The following SEMA3A variants were observed in gnomAD, a reference collection of about 807,000 sequenced individuals.
SEMA3A encodes the protein semaphorin 3A, also known as semaphorin-3A.
SEMA3A carries 29 observed loss-of-function variants against 97.9 expected under a neutral mutation model. The ratio of observed to expected loss-of-function variants is 0.30; its 90% CI spans 0.22 to 0.40. The LOEUF (loss-of-function observed/expected upper bound fraction) is 0.40. SEMA3A is among the 10% of genes least tolerant of loss of function. SEMA3A has a pLI of 1.00. For missense variants in SEMA3A, 763 were observed against 951.3 expected, an observed-to-expected ratio of 0.80 and a Z score of 2.60; for synonymous variants, 321 against 323.7, an observed-to-expected ratio of 0.99 and a Z score of 0.09.
In SEMA3A at chr7:83,957,612, C is replaced by T. The variant is rs1788321403; in HGVS notation, c.*3759G>A. On this transcript the variant is annotated 3_prime_UTR_variant, in exon 17 of 17. Coordinates refer to ENST00000265362, the MANE Select transcript of SEMA3A (RefSeq NM_006080.3). ...CATATGCTGATTTTATTCTCTCTTT[C>T]ATTTAGATATTTTCTTAATTTATTA... The T allele has an allele frequency of 6.6e-6, 1 of 151,982 alleles. No homozygotes were observed. The highest frequency in any genetic ancestry group is 2.1e-4 in the South Asian group (1 of 4,828). 9.4% of individuals were successfully genotyped at this position (151,982 alleles called of 1,614,324 possible).
intron 12 of SEMA3A, among the ~76,000 whole-genome samples, chr7:83,992,969 A>T (rs963700736): frequency 2.3e-5 from 3 of 129,582 alleles, no homozygotes; most frequent in East Asian, 2.5e-4. Context: ...CTTTGTAGTC[A>T]CTCAGGACTT....
intron 3 of SEMA3A, among the ~76,000 whole-genome samples, chr7:84,247,975 A>C: frequency 6.6e-6 from 1 of 152,334 alleles, no homozygotes; most frequent in East Asian, 1.9e-4. Flanking sequence ...TTTATAGTTT[A>C]TATATTATGT....
intron 1 of SEMA3A, among the ~76,000 whole-genome samples, chr7:84,403,230 C>T (rs956131939): frequency 3.3e-5 from 5 of 152,306 alleles, no homozygotes; most frequent in South Asian, 2.1e-4. Context: ...GCTTAACAAA[C>T]GGCACACCAG....
intron 4 of SEMA3A, among the ~76,000 whole-genome samples, chr7:84,088,055 A>AT (rs1221358180): frequency 1.3e-5 from 2 of 152,054 alleles, no homozygotes; most frequent in Non-Finnish European, 2.9e-5. Context: ...TGTTACATTT[A>AT]TTTTTCCCCC....
chr7:84,051,565 C>T (rs1224806514), intron 5 of SEMA3A, among the ~76,000 whole-genome samples: 3 of 152,124 alleles, frequency 2.0e-5, no homozygotes, highest in Admixed American at 6.5e-5. Context: ...GATTTTGTAT[C>T]CTGAGACTTT....
At chr7:84,447,450 G>T (rs140988610) in intron 1 of SEMA3A, among the ~76,000 whole-genome samples, 1 of 152,156 alleles carries the variant, frequency 6.6e-6, no homozygotes, top group African/African-American at 2.4e-5. Context: ...CTTTTTCCTG[G>T]CCTTGCCCAT....
intron 3 of SEMA3A, among the ~76,000 whole-genome samples, chr7:84,203,519 TATA>T (rs1798407487): frequency 3.3e-5 from 2 of 60,492 alleles, no homozygotes; most frequent in Non-Finnish European, 7.5e-5. Flanking sequence ...TATATATATA[TATA>T]TATATTTTTT....
chr7:84,225,890 G>T (rs145984323), intron 3 of SEMA3A, among the ~76,000 whole-genome samples: 2 of 152,026 alleles, frequency 1.3e-5, no homozygotes, highest in Admixed American at 6.6e-5. Context: ...AGATTAATGG[G>T]CTAATTTCAG....
At chr7:84,126,106 G>C (rs939656207) in intron 3 of SEMA3A, among the ~76,000 whole-genome samples, 1 of 152,078 alleles carries the variant, frequency 6.6e-6, no homozygotes, top group Non-Finnish European at 1.5e-5. Flanking sequence ...TAGCAATAAT[G>C]ACTAACATTA....
chr7:84,059,629 C>A (rs1267965623), intron 5 of SEMA3A, among the ~76,000 whole-genome samples: 3 of 151,584 alleles, frequency 2.0e-5, no homozygotes, highest in African/African-American at 7.3e-5. Context: ...TTAAATAATT[C>A]TTTTGCATAT....
At chr7:84,285,440 G>A (rs1315397300) in intron 3 of SEMA3A, among the ~76,000 whole-genome samples, 3 of 152,050 alleles carry the variant, frequency 2.0e-5, no homozygotes, top group African/African-American at 7.2e-5. Context: ...TGCAGTTATG[G>A]CAGTAGGAAT....
intron 6 of SEMA3A, among the ~76,000 whole-genome samples, chr7:84,026,721 C>A (rs1319339444): frequency 6.6e-6 from 1 of 152,092 alleles, no homozygotes; most frequent in East Asian, 1.9e-4. Flanking sequence ...GCCGGAGGCT[C>A]TTATCCTTAG....
At chr7:84,197,730 CTTTTTTTTTTTTTTTT>C (rs139403623), upstream of SEMA3A, among the ~76,000 whole-genome samples, 1 of 69,344 alleles carries the variant, frequency 1.4e-5, no homozygotes, top group Non-Finnish European at 2.6e-5. Context: ...AAAGATCACT[CTTTTTTTTTTTTTTTT>C]TTTTTTTTTT....
intron 1 of SEMA3A, among the ~76,000 whole-genome samples, chr7:84,455,160 T>C (rs1194514305): frequency 3.3e-5 from 5 of 151,874 alleles, no homozygotes; most frequent in Non-Finnish European, 4.4e-5. Flanking sequence ...AACAAGAAAA[T>C]GACAGAAATA....
Position 84,064,208 on chromosome 7 carries a change from C to G in SEMA3A, c.454-3650G>C, listed in dbSNP as rs1053518924. On this transcript the variant is annotated intron_variant, in intron 4 of 16. Transcript: ENST00000265362. ...AAGGAGAAATAAAATACTTTACAGA[C>G]AAGCAAATGCTGAGAGATTTTGTCA... 5.2e-4 allele frequency among the ~76,000 whole-genome samples: 79 copies of G among 152,078 alleles called. 1 individual carries two copies. The East Asian group carries it at 8.9e-3, about 17-fold the overall frequency.
intron 1 of SEMA3A, among the ~76,000 whole-genome samples, chr7:84,154,581 C>G (rs1796777407): frequency 6.7e-6 from 1 of 149,748 alleles, no homozygotes; most frequent in Non-Finnish European, 1.5e-5. Context: ...GAGGGTGAGG[C>G]AGAAGAATCG....
At chr7:84,162,519 T>G (rs1195963928) in intron 1 of SEMA3A, among the ~76,000 whole-genome samples, 1 of 152,046 alleles carries the variant, frequency 6.6e-6, no homozygotes, top group Non-Finnish European at 1.5e-5. Context: ...GAATAAAAAC[T>G]GAAGGATGAC....
chr7:84,141,715 T>C (rs911829009), intron 1 of SEMA3A, among the ~76,000 whole-genome samples: 1 of 152,108 alleles, frequency 6.6e-6, no homozygotes, highest in Non-Finnish European at 1.5e-5. Flanking sequence ...TTCCCCTCTA[T>C]GTATTGTTCC....
intron 1 of SEMA3A, among the ~76,000 whole-genome samples, chr7:84,150,496 T>C (rs1796608871): frequency 6.6e-6 from 1 of 152,090 alleles, no homozygotes; most frequent in Non-Finnish European, 1.5e-5. Context: ...ACCTGGAGAA[T>C]CGGGTCACTC....
Sources: gnomAD v4.1 joint callset for allele counts (sites outside exome capture counted in the v4.1 genomes callset) on GRCh38, gnomAD v4.1.1 for gene constraint, MANE v1.5 for transcripts, NCBI Gene and HGNC (gene_info 2026-07-23, HGNC 2026-07-21) for gene names.